RGS19: variants seen among roughly 807,000 people sequenced by gnomAD.
RGS19 encodes G alpha interacting protein.
RGS19 carries 9 observed loss-of-function variants against 22.0 expected under a neutral mutation model. The observed-to-expected ratio is 0.41, with a 90% CI of 0.25 to 0.71. The LOEUF is 0.71. Among genes scored for constraint, RGS19 ranks in the 30% least tolerant of loss-of-function variants. The pLI is 0.32. For missense variants in RGS19, 256 were observed against 307.1 expected (o/e 0.83, Z 1.24); for synonymous variants, 130 against 127.3 (o/e 1.02, Z -0.14).
At chr20:64,074,669 C>T (rs2059890818) in intron 3 of RGS19, 128 bp from the exon 4 acceptor site, 5 of 843,650 alleles carry the variant, frequency 5.9e-6, no homozygotes, top group Non-Finnish European at 9.0e-6. Context: ...CCTGCAGGCA[C>T]CTGACACACA....
Position 64,074,321 on chromosome 20 carries a change from C to T in RGS19, c.285G>A (p.Met95Ile). ...ACACGCTGCGTCCCGCTGGGCTGTG[C>T]ATCAGCTTGTCAAAAGACTGCGCCC... Reference protein sequence around the residue: ...QSWAQSFDKLMHSPAGRSVFR... With the variant: ...QSWAQSFDKLIHSPAGRSVFR... The change falls in exon 5 of 6, where the codon ATG (methionine) becomes ATA (isoleucine). Residue 95 changes from methionine (M) to isoleucine (I), a missense_variant. Coordinates refer to ENST00000395042, the MANE Select transcript of RGS19 (RefSeq NM_005873.3). The T allele has an allele frequency of 6.2e-7, 1 of 1,612,632 alleles. No homozygotes were observed. The highest frequency in any genetic ancestry group is 8.5e-7 in the Non-Finnish European group (1 of 1,179,974).
chr20:64,075,224 C>T lies in RGS19; in HGVS notation c.153-683G>A, dbSNP rs1330696740. Among the ~76,000 whole-genome samples, 1 of 152,216 alleles carries T rather than the reference C, an allele frequency of 6.6e-6. No homozygotes were observed. The highest frequency in any genetic ancestry group is 1.5e-5 in the Non-Finnish European group (1 of 68,036). On this transcript the variant is annotated intron_variant, in intron 3 of 5. Coordinates refer to ENST00000395042, the MANE Select transcript of RGS19 (RefSeq NM_005873.3). This position sits in a 1 kb window ranked among gnomAD's most constrained non-coding sequence, Gnocchi z 4.6. ...CTGATCTTGGCCTGTCCCTGTCCCA[C>T]CGATGGGGTCACACGCTGCAGGTCT...
At position 64,073,793 on chromosome 20, in the gene RGS19, C is replaced by T. The variant is rs779200823; in HGVS notation, c.*60G>A. On this transcript the variant is annotated 3_prime_UTR_variant, in exon 6 of 6. Coordinates refer to ENST00000395042, the MANE Select transcript of RGS19 (RefSeq NM_005873.3). ...CCTGACAGCCCTGCCGACAACAACACCTGAAGGGAACCCAGAGTCGGCCGT... is the reference window on the plus strand; with the variant it reads ...CCTGACAGCCCTGCCGACAACAACATCTGAAGGGAACCCAGAGTCGGCCGT... The T allele has an allele frequency of 4.1e-6, 6 of 1,465,134 alleles. No homozygotes were observed. Among genetic ancestry groups the T allele is most frequent in the Non-Finnish European group, 5.6e-6 (6 of 1,077,290 alleles). The allele number at this position is 1,465,134 out of a possible 1,614,324, so 90.8% of individuals were successfully genotyped here. A position where few individuals can be genotyped will look rare whatever the true frequency, so the allele number is the denominator to read the frequency against.
In RGS19 at chr20:64,074,057, A is replaced by C. The variant is rs771035327; in HGVS notation, c.463-13T>G. 1.9e-6 allele frequency: 3 copies of C among 1,607,628 alleles called. No individual in the cohort carries two copies. Among genetic ancestry groups the C allele is most frequent in the Non-Finnish European group, 1.7e-6 (2 of 1,175,250 alleles). Reference sequence around the variant, plus strand: ...AGTCCAGGCTCACCTGCAGGACAAGACACTGAGGTCAGGGGGTGCGGGAGC... The same window carrying C: ...AGTCCAGGCTCACCTGCAGGACAAGCCACTGAGGTCAGGGGGTGCGGGAGC... On this transcript the variant is annotated splice_polypyrimidine_tract_variant and intron_variant, in intron 5 of 5. Coordinates refer to ENST00000395042, the MANE Select transcript of RGS19 (RefSeq NM_005873.3).
At chr20:64,074,607 G>T in intron 3 of RGS19, 66 bp from the exon 4 acceptor site, 1 of 1,440,526 alleles carries the variant, frequency 6.9e-7, no homozygotes, top group Middle Eastern at 2.1e-4. Flanking sequence ...CAGGCCCTCA[G>T]CACATGGGCA....
At chr20:64,079,927 G>C (rs1038611356), upstream of RGS19, 2 of 148,210 alleles carry the variant, frequency 1.3e-5, no homozygotes, top group East Asian at 2.0e-4. The surrounding 1 kb of genome is among the most constrained non-coding windows in gnomAD (Gnocchi z 5.1). Context: ...TCCAAGGTCC[G>C]GCCCGACAGT....
In RGS19 at chr20:64,075,444, T is replaced by C. The variant is rs1320886477; in HGVS notation, c.153-903A>G. 1.3e-5 allele frequency among the ~76,000 whole-genome samples: 2 copies of C among 152,208 alleles called. No individual in the cohort carries two copies. Among genetic ancestry groups the C allele is most frequent in the East Asian group, 3.8e-4 (2 of 5,198 alleles). ...CCTCTCTCCAGGGCACTTGGATGGC[T>C]GGCAGACATCGTGCACCCAAACGTC... On this transcript the variant is annotated intron_variant, in intron 3 of 5. Coordinates refer to ENST00000395042, the MANE Select transcript of RGS19 (RefSeq NM_005873.3). The surrounding 1 kb of genome is among the most constrained non-coding windows in gnomAD (Gnocchi z 4.6).
At chr20:64,078,736 T>TC (rs1376832616) in intron 1 of RGS19, among the ~76,000 whole-genome samples, 1 of 151,886 alleles carries the variant, frequency 6.6e-6, no homozygotes, top group Non-Finnish European at 1.5e-5. Flanking sequence ...CAGGCTACCC[T>TC]CCCCCCGTCT....
rs2059875477 is a variant in RGS19 at position 64,073,763 on chromosome 20, T to C, written c.*90A>G. On this transcript the variant is annotated 3_prime_UTR_variant, in exon 6 of 6. Transcript: ENST00000395042. ...GGTGGGGACCCCAGCCGGCCAGGCA[T>C]GTGCCCTGACAGCCCTGCCGACAAC... 14 of 1,202,062 alleles carry C rather than the reference T, an allele frequency of 1.2e-5. No homozygotes were observed. In the South Asian group the frequency reaches 1.7e-4, roughly 15 times the overall value. The allele number at this position is 1,202,062 out of a possible 1,614,324, so 74.5% of individuals were successfully genotyped here.
rs777774734 is a variant in RGS19 at position 64,074,168 on chromosome 20, G to A, written c.438C>T (p.Tyr146=). 6.8e-6 allele frequency: 11 copies of A among 1,613,966 alleles called. No individual in the cohort carries two copies. Among genetic ancestry groups the A allele is most frequent in the African/African-American group, 2.7e-5 (2 of 75,048 alleles). Residue 146 remains tyrosine, a synonymous_variant, in exon 5 of 6, where the codon TAC becomes TAT. Coordinates refer to ENST00000395042, the MANE Select transcript of RGS19 (RefSeq NM_005873.3). ...CCTCCTTGGGGGACAGGATGGATAC[G>A]TAGTCCTCGTAGATGAGCCTCGCCT... ...DEKARLIYED[Y]VSILSPKEVS...
At chr20:64,074,727 A>G (rs2059891433) in intron 3 of RGS19, among the ~76,000 whole-genome samples, 186 bp from the exon 4 acceptor site, 1 of 151,268 alleles carries the variant, frequency 6.6e-6, no homozygotes, top group Non-Finnish European at 1.5e-5. Context: ...CTCTTCCCAC[A>G]CTCTCCCACA....
At chr20:64,076,823 C>T (rs751124666) in intron 2 of RGS19, 34 bp downstream of exon 2, 1 of 1,576,278 alleles carries the variant, frequency 6.3e-7, no homozygotes, top group East Asian at 2.3e-5. Flanking sequence ...CCATCTCCCC[C>T]AGGGGAGCAG....
rs1043852806 is a variant in RGS19, at chr20:64,074,556, G to A, written c.153-15C>T. On this transcript the variant is annotated splice_polypyrimidine_tract_variant and intron_variant, in intron 3 of 5. Transcript: ENST00000395042. ...GCTCTTGGTTCCTAGTGGCAGAGAG[G>A]AAGCAGCGCTGCCGTGGGCACACAC... 3.9e-6 allele frequency: 6 copies of A among 1,548,952 alleles called. No homozygotes were observed. The highest frequency in any genetic ancestry group is 2.0e-5 in the Admixed American group (1 of 51,136).
rs924222756 is a variant in RGS19 at position 64,073,551 on chromosome 20, C to T, written c.*302G>A. On this transcript the variant is annotated 3_prime_UTR_variant, in exon 6 of 6. Transcript: ENST00000395042. ...GGGTCCAGCATGGCTCCTGGGGGGACCCCTACTCTCACCACGCAAGAGCCC... is the reference window on the plus strand; with the variant it reads ...GGGTCCAGCATGGCTCCTGGGGGGATCCCTACTCTCACCACGCAAGAGCCC... The T allele has an allele frequency of 5.6e-6, 2 of 360,254 alleles. No individual in the cohort carries two copies. Among genetic ancestry groups the T allele is most frequent in the Non-Finnish European group, 1.0e-5 (2 of 195,898 alleles). The allele number at this position is 360,254 out of a possible 1,614,324, so 22.3% of individuals were successfully genotyped here. A position where few individuals can be genotyped will look rare whatever the true frequency, so the allele number is the denominator to read the frequency against.
rs1569260336 is a variant in RGS19, at chr20:64,073,893, AGGGCAC to A, written c.608_613del (p.Arg203_Ala204del). The A allele has an allele frequency of 1.2e-6, 2 of 1,613,362 alleles. No homozygotes were observed. The highest frequency in any genetic ancestry group is 1.7e-6 in the Non-Finnish European group (2 of 1,179,716). ...GGACTGTGATGGCCCCTGCAGCAGC[AGGGCAC>A]GGTAGGTGGGAGAGCTGAGGAAGCG... On this transcript the variant is annotated inframe_deletion, in exon 6 of 6. Coordinates refer to ENST00000395042, the MANE Select transcript of RGS19 (RefSeq NM_005873.3).
At chr20:64,076,708 C>T in intron 2 of RGS19, 62 bp from the exon 3 acceptor site, 2 of 1,527,222 alleles carry the variant, frequency 1.3e-6, no homozygotes, top group Non-Finnish European at 1.8e-6. Flanking sequence ...TCCACCTCTC[C>T]CCCACCTTCC....
chr20:64,076,988 C>CT, intron 1 of RGS19, 34 bp from the exon 2 acceptor site: 1 of 1,154,374 alleles, frequency 8.7e-7, no homozygotes, highest in Non-Finnish European at 1.2e-6. Context: ...GACTGAGAAC[C>CT]TGAAACCCCA....
At position 64,073,626 on chromosome 20, in the gene RGS19, TGGCCCGCCCTGCACCTGGA is replaced by T. The variant is rs543041347; in HGVS notation, c.*208_*226del. ...AGCTGCGGGCCGATGAGGGGGCTTC[TGGCCCGCCCTGCACCTGGA>T]GGCCCGCCCTGCACCTGGAGTTCCT... On this transcript the variant is annotated 3_prime_UTR_variant, in exon 6 of 6. Coordinates refer to ENST00000395042, the MANE Select transcript of RGS19 (RefSeq NM_005873.3). 13,250 of 507,260 alleles carry T rather than the reference TGGCCCGCCCTGCACCTGGA, an allele frequency of 0.026. 204 individuals are homozygous for T. The highest frequency in any genetic ancestry group is 0.036 in the Non-Finnish European group (10,349 of 286,632). 31.4% of individuals were successfully genotyped at this position (507,260 alleles called of 1,614,324 possible). A position where few individuals can be genotyped will look rare whatever the true frequency, so the allele number is the denominator to read the frequency against.
chr20:64,079,619 C>T (rs549560508), upstream of RGS19: 2 of 152,020 alleles, frequency 1.3e-5, no homozygotes, highest in East Asian at 3.9e-4. The surrounding 1 kb of genome is among the most constrained non-coding windows in gnomAD (Gnocchi z 5.1). Context: ...CTTCCGGCCC[C>T]CACCTTTGAG....
Sources: gnomAD v4.1 joint callset for allele counts (sites outside exome capture counted in the v4.1 genomes callset) on GRCh38, gnomAD v4.1.1 for gene constraint, Gnocchi (gnomAD v3.1) non-coding constraint, MANE v1.5 for transcripts, NCBI Gene and HGNC (gene_info 2026-07-23, HGNC 2026-07-21) for gene names.